Variants in ERMP1 observed in about 807,000 individuals in gnomAD.
The protein encoded by ERMP1 is Felix-ina.
ERMP1 carries 86 observed loss-of-function variants against 92.0 expected under a neutral mutation model. The observed-to-expected ratio is 0.93, with a 90% CI of 0.79 to 1.12. ERMP1 has a LOEUF of 1.12. ERMP1 is among the 50% of genes most tolerant of loss of function. ERMP1 has a pLI of 0.00. For missense variants in ERMP1, 1,342 were observed against 1,116.3 expected (o/e 1.20, Z -2.88); for synonymous variants, 530 against 412.8 (o/e 1.28, Z -3.44).
At chr9:5,834,974 T>C (rs1256152222), upstream of ERMP1, among the ~76,000 whole-genome samples, 3 of 121,672 alleles carry the variant, frequency 2.5e-5, no homozygotes, top group African/African-American at 9.0e-5. Context: ...GATGGATAGA[T>C]AGATGTGTGT....
intron 6 of ERMP1, among the ~76,000 whole-genome samples, chr9:5,855,590 G>A (rs1764425766): frequency 2.0e-5 from 3 of 152,242 alleles, no homozygotes; most frequent in Non-Finnish European, 4.4e-5. Flanking sequence ...TGAGACATGT[G>A]CAGAGATACC....
At chr9:5,850,235 T>C (rs1022745806) in intron 6 of ERMP1, among the ~76,000 whole-genome samples, 2 of 151,634 alleles carry the variant, frequency 1.3e-5, no homozygotes, top group South Asian at 4.1e-4. Flanking sequence ...GTGAAACCCA[T>C]CTCTACGAAA....
At chr9:5,843,847 C>A (rs574093302) in intron 6 of ERMP1, among the ~76,000 whole-genome samples, 2 of 152,156 alleles carry the variant, frequency 1.3e-5, no homozygotes, top group African/African-American at 2.4e-5. Context: ...AGTTACAGCC[C>A]TCCTGGATTT....
At chr9:5,823,236 C>A (rs754743143) in intron 4 of ERMP1, among the ~76,000 whole-genome samples, 2 of 151,918 alleles carry the variant, frequency 1.3e-5, no homozygotes, top group Non-Finnish European at 2.9e-5. Context: ...ATGATGGCAC[C>A]AGTGCACTCG....
intron 6 of ERMP1, among the ~76,000 whole-genome samples, chr9:5,848,377 G>A (rs1050893449): frequency 1.3e-5 from 2 of 152,100 alleles, no homozygotes; most frequent in South Asian, 2.1e-4. Context: ...GTGGATCTGC[G>A]CCTAGAACCC....
At chr9:5,810,326 A>T in intron 7 of ERMP1, 95 bp from the exon 8 acceptor site, 1 of 808,912 alleles carries the variant, frequency 1.2e-6, no homozygotes. Context: ...ATTAAAACAA[A>T]AAACTCCCCA....
chr9:5,833,375 G>A (rs1393737887), upstream of ERMP1, among the ~76,000 whole-genome samples: 1 of 152,214 alleles, frequency 6.6e-6, no homozygotes, highest in Non-Finnish European at 1.5e-5. Context: ...GGCTCTTACA[G>A]TGCATCAGGC....
chr9:5,814,278 G>A (rs183606385), intron 4 of ERMP1, among the ~76,000 whole-genome samples: 3 of 152,098 alleles, frequency 2.0e-5, no homozygotes, highest in African/African-American at 7.2e-5. Flanking sequence ...AATGCAACAC[G>A]AGCAAGAAAT....
intron 6 of ERMP1, among the ~76,000 whole-genome samples, chr9:5,838,242 G>C (rs957156176): frequency 6.6e-6 from 1 of 152,136 alleles, no homozygotes; most frequent in African/African-American, 2.4e-5. Flanking sequence ...TGTACCAGGA[G>C]CCTTAAAAGA....
In ERMP1 at chr9:5,799,130, G is replaced by C. The variant is rs1013652426; in HGVS notation, c.2068-122C>G. On this transcript the variant is annotated intron_variant, in intron 11 of 14. Coordinates refer to ENST00000339450, the MANE Select transcript of ERMP1 (RefSeq NM_024896.3). The stretch of plus-strand genomic sequence containing the variant: ...ATGTGGATATGGAGCAAGTGAATAA[G>C]ACACTGAGAGTTTCTAAGGTACTGC... 15 of 645,834 alleles carry C rather than the reference G, an allele frequency of 2.3e-5. No individual in the cohort carries two copies. In the Admixed American group the frequency reaches 2.8e-4, roughly 12 times the overall value. 40.0% of individuals were successfully genotyped at this position (645,834 alleles called of 1,614,324 possible).
chr9:5,786,011 C>T lies in ERMP1; in HGVS notation c.*1133G>A, dbSNP rs1827920503. 6.6e-6 allele frequency: 1 copy of T among 152,226 alleles called. No individual in the cohort carries two copies. Among genetic ancestry groups the T allele is most frequent in the Non-Finnish European group, 1.5e-5 (1 of 68,068 alleles). The allele number at this position is 152,226 out of a possible 1,614,324, so 9.4% of individuals were successfully genotyped here. On this transcript the variant is annotated 3_prime_UTR_variant, in exon 15 of 15. Coordinates refer to ENST00000339450, the MANE Select transcript of ERMP1 (RefSeq NM_024896.3). ...ACCACCTTTTAAGTCCTCATGCTGC[C>T]ATTACGCAGGATCTGAACCACCTAC...
intron 1 of ERMP1, among the ~76,000 whole-genome samples, chr9:5,832,172 C>G (rs930719427): frequency 1.8e-4 from 28 of 151,894 alleles, no homozygotes; most frequent in Non-Finnish European, 4.0e-4. Context: ...ATTTATCAGA[C>G]TGCATACCAA....
intron 6 of ERMP1, among the ~76,000 whole-genome samples, chr9:5,840,510 T>TACCCATGCCCACTGCCCCTCCCC (rs1460293568): frequency 7.9e-5 from 12 of 152,320 alleles, no homozygotes; most frequent in South Asian, 2.1e-4. Flanking sequence ...TCTCCCTCCC[T>TACCCATGCCCACTGCCCCTCCCC]ACCCATGCCC....
chr9:5,842,054 T>C (rs1830170999), intron 6 of ERMP1, among the ~76,000 whole-genome samples: 1 of 151,832 alleles, frequency 6.6e-6, no homozygotes, highest in Admixed American at 6.6e-5. Flanking sequence ...CGTTACAGCA[T>C]ATAAAGGTAG....
Position 5,788,172 on chromosome 9 carries a change from TAAAGAC to T in ERMP1, c.2387-585_2387-580del, listed in dbSNP as rs768186016. On this transcript the variant is annotated intron_variant, in intron 13 of 14. Coordinates refer to ENST00000339450, the MANE Select transcript of ERMP1 (RefSeq NM_024896.3). ...ACAAAAACACACCCTCAGCCTAACTTAAAGACAGAGAATACCCACATTTGAAATAAC... is the reference window on the plus strand; with the variant it reads ...ACAAAAACACACCCTCAGCCTAACTTAGAGAATACCCACATTTGAAATAAC... Among the ~76,000 whole-genome samples the T allele has an allele frequency of 5.6e-4, 86 of 152,318 alleles. 2 individuals are homozygous for T. Among genetic ancestry groups the T allele is most frequent in the Admixed American group, 1.9e-3 (29 of 15,300 alleles).
intron 6 of ERMP1, among the ~76,000 whole-genome samples, chr9:5,839,709 T>G (rs1055682812): frequency 2.4e-4 from 37 of 152,140 alleles, no homozygotes; most frequent in African/African-American, 8.7e-4. Context: ...CGGTTTCACT[T>G]GGCTTTCGGG....
chr9:5,810,769 G>A (rs971458139), intron 7 of ERMP1, among the ~76,000 whole-genome samples: 1 of 152,138 alleles, frequency 6.6e-6, no homozygotes, highest in African/African-American at 2.4e-5. Flanking sequence ...ACCACAAGCA[G>A]TTCATTCATA....
chr9:5,810,376 T>C, intron 7 of ERMP1, 145 bp from the exon 8 acceptor site: 1 of 617,914 alleles, frequency 1.6e-6, no homozygotes, highest in East Asian at 2.7e-5. Context: ...GTGTTGAGAT[T>C]GGCCAAACAC....
chr9:5,824,013 G>T lies in ERMP1; in HGVS notation c.769-12C>A. 1 of 1,590,576 alleles carries T rather than the reference G, an allele frequency of 6.3e-7. No individual in the cohort carries two copies. The highest frequency in any genetic ancestry group is 8.6e-7 in the Non-Finnish European group (1 of 1,164,036). On this transcript the variant is annotated splice_polypyrimidine_tract_variant and intron_variant, in intron 3 of 14. Coordinates refer to ENST00000339450, the MANE Select transcript of ERMP1 (RefSeq NM_024896.3). ...AAACCATGACTGGCCTTAAAGAGAAGGAAAGAAAACAAATATTTGTTAAAC... is the reference window on the plus strand; with the variant it reads ...AAACCATGACTGGCCTTAAAGAGAATGAAAGAAAACAAATATTTGTTAAAC...
Sources: gnomAD v4.1 joint callset for allele counts (sites outside exome capture counted in the v4.1 genomes callset) on GRCh38, gnomAD v4.1.1 for gene constraint, MANE v1.5 for transcripts, NCBI Gene and HGNC (gene_info 2026-07-23, HGNC 2026-07-21) for gene names.